The following USH2A variants were observed in gnomAD, a reference collection of about 807,000 sequenced individuals.
USH2A encodes the protein Usher syndrome 2A (autosomal recessive, mild).
In USH2A, 443 loss-of-function variants were observed where a neutral mutation model predicts 538.9. The observed-to-expected ratio is 0.82, with a 90% CI of 0.76 to 0.89. The LOEUF (loss-of-function observed/expected upper bound fraction) is 0.89, where lower values mean the gene tolerates loss of function less well. Ranked by LOEUF, USH2A falls within the 40% of genes least tolerant of loss-of-function variation. The pLI is 0.00. For missense variants in USH2A, 6,633 were observed against 6,324.8 expected (o/e 1.05, Z -1.65); for synonymous variants, 2,413 against 2,273.5 (o/e 1.06, Z -1.75).
intron 21 of USH2A, among the ~76,000 whole-genome samples, chr1:216,119,122 T>C (rs957427358): frequency 1.3e-5 from 2 of 152,214 alleles, no homozygotes; most frequent in African/African-American, 2.4e-5. Context: ...ATTAGGATGG[T>C]CTTATATGAA....
intron 46 of USH2A, among the ~76,000 whole-genome samples, chr1:215,842,080 G>A (rs1403449776): frequency 6.6e-6 from 1 of 152,084 alleles, no homozygotes; most frequent in Non-Finnish European, 1.5e-5. Flanking sequence ...TCCCAGCACT[G>A]TGGGAAGCTT....
chr1:215,907,208 C>T (rs1015308804), intron 38 of USH2A, among the ~76,000 whole-genome samples: 1 of 151,916 alleles, frequency 6.6e-6, no homozygotes, highest in Non-Finnish European at 1.5e-5. Flanking sequence ...TAGGAGTGAA[C>T]TGAGCTGCAT....
chr1:216,241,545 T>A (rs953013638), intron 13 of USH2A, among the ~76,000 whole-genome samples: 3 of 152,136 alleles, frequency 2.0e-5, no homozygotes, highest in Non-Finnish European at 4.4e-5. Flanking sequence ...TTTGTTTTTT[T>A]TTTTTTGAGA....
intron 3 of USH2A, among the ~76,000 whole-genome samples, chr1:216,416,405 A>C (rs981574410): frequency 6.6e-6 from 1 of 152,126 alleles, no homozygotes; most frequent in Non-Finnish European, 1.5e-5. Context: ...GTGACTGCCT[A>C]GTTCTGTAGT....
chr1:216,186,362 AG>A (rs2034604175), intron 20 of USH2A, among the ~76,000 whole-genome samples: 1 of 151,868 alleles, frequency 6.6e-6, no homozygotes, highest in Non-Finnish European at 1.5e-5. Context: ...CATCCATTTT[AG>A]GTCACATTTC....
chr1:216,342,756 A>G (rs1340293388), intron 4 of USH2A, among the ~76,000 whole-genome samples: 1 of 152,098 alleles, frequency 6.6e-6, no homozygotes, highest in African/African-American at 2.4e-5. Flanking sequence ...CAAACACCAC[A>G]TGTTCTCACT....
At chr1:215,847,468 T>C (rs1385266197) in intron 44 of USH2A, among the ~76,000 whole-genome samples, 1 of 151,758 alleles carries the variant, frequency 6.6e-6, no homozygotes, top group Non-Finnish European at 1.5e-5. Flanking sequence ...AACGTGGCAA[T>C]ACCCCATCTC....
chr1:215,689,352 T>A (rs536367392), intron 61 of USH2A, among the ~76,000 whole-genome samples: 7 of 152,214 alleles, frequency 4.6e-5, no homozygotes, highest in Admixed American at 4.6e-4. Context: ...CAAGTCTCCA[T>A]ATGATCTCTT....
rs185160974 is a variant in USH2A at position 215,941,566 on chromosome 1, C to T, written c.7121-6771G>A. ...CTCATAGAAAGTGGTCTCCGGCTTCCACACTAAACACTGGACATGAATACA... is the reference window on the plus strand; with the variant it reads ...CTCATAGAAAGTGGTCTCCGGCTTCTACACTAAACACTGGACATGAATACA... On this transcript the variant is annotated intron_variant, in intron 37 of 71. Coordinates refer to ENST00000307340, the MANE Select transcript of USH2A (RefSeq NM_206933.4). 3.9e-5 allele frequency among the ~76,000 whole-genome samples: 6 copies of T among 152,174 alleles called. No individual in the cohort carries two copies. The East Asian group carries it at 9.7e-4, about 25-fold the overall frequency.
Position 216,403,086 on chromosome 1 carries a change from A to G in USH2A, c.651+15428T>C, listed in dbSNP as rs554006570. On this transcript the variant is annotated intron_variant, in intron 3 of 71. Transcript: ENST00000307340. ...ACTACATATACTATAATTGTATACT[A>G]TGACCAAGTAGGATTTATTTCAGGT... Among the ~76,000 whole-genome samples the G allele has an allele frequency of 2.0e-5, 3 of 152,314 alleles. No homozygotes were observed. The East Asian group carries it at 5.8e-4, about 29-fold the overall frequency.
chr1:216,355,377 A>AAGAAAGAAAGAAAGAG (rs2038373530), intron 4 of USH2A, among the ~76,000 whole-genome samples: 1 of 145,718 alleles, frequency 6.9e-6, no homozygotes, highest in African/African-American at 2.5e-5. Flanking sequence ...GAAAGAAAGA[A>AAGAAAGAAAGAAAGAG]GGAAAGAAAC....
At chr1:215,974,761 T>G (rs994550593) in intron 35 of USH2A, among the ~76,000 whole-genome samples, 1 of 152,164 alleles carries the variant, frequency 6.6e-6, no homozygotes, top group African/African-American at 2.4e-5. Flanking sequence ...CTAGGCTGAT[T>G]CCATGTCTTT....
intron 38 of USH2A, among the ~76,000 whole-genome samples, chr1:215,914,817 G>A (rs956327907): frequency 6.6e-6 from 1 of 152,170 alleles, no homozygotes; most frequent in African/African-American, 2.4e-5. Flanking sequence ...GCTAGAAAGA[G>A]CTCAGCAACT....
At chr1:216,278,924 A>G (rs1222632004) in intron 11 of USH2A, among the ~76,000 whole-genome samples, 3 of 152,112 alleles carry the variant, frequency 2.0e-5, no homozygotes, top group Admixed American at 6.6e-5. Flanking sequence ...TTGTTTTGAA[A>G]ATTATCACTT....
chr1:216,156,534 C>T (rs1431512960), intron 21 of USH2A, among the ~76,000 whole-genome samples: 4 of 152,058 alleles, frequency 2.6e-5, no homozygotes, highest in African/African-American at 4.8e-5. Flanking sequence ...AATAAATCTA[C>T]ACTTATAAAC....
At chr1:216,289,221 C>G in intron 11 of USH2A, 59 bp downstream of exon 11, 1 of 1,611,152 alleles carries the variant, frequency 6.2e-7, no homozygotes, top group South Asian at 1.1e-5. Context: ...GGAATAACAT[C>G]CAAATAAGTT....
chr1:216,158,857 C>A (rs1289107504), intron 21 of USH2A, among the ~76,000 whole-genome samples: 1 of 152,076 alleles, frequency 6.6e-6, no homozygotes, highest in Non-Finnish European at 1.5e-5. Context: ...GCGTAACTTT[C>A]CATTTATTTG....
intron 37 of USH2A, among the ~76,000 whole-genome samples, chr1:215,939,224 G>C (rs1459835281): frequency 3.3e-5 from 5 of 152,060 alleles, no homozygotes; most frequent in Non-Finnish European, 7.4e-5. Context: ...AAGATTTTTT[G>C]TGTATTGGCC....
chr1:216,085,086 T>C (rs144106047), intron 24 of USH2A: 1 of 559,946 alleles, frequency 1.8e-6, no homozygotes, highest in African/African-American at 1.9e-5. Context: ...AAACCCATCA[T>C]ATCTGCAGAA....
Sources: gnomAD v4.1 joint callset for allele counts (sites outside exome capture counted in the v4.1 genomes callset) on GRCh38, gnomAD v4.1.1 for gene constraint, MANE v1.5 for transcripts, NCBI Gene and HGNC (gene_info 2026-07-23, HGNC 2026-07-21) for gene names.